SEZ6L: variants seen among roughly 807,000 people sequenced by gnomAD.
SEZ6L encodes the protein seizure related 6 homolog like.
In SEZ6L, 37 loss-of-function variants were observed where a neutral mutation model predicts 106.2. That is an observed-to-expected ratio of 0.35 (90% CI 0.27 to 0.46). The LOEUF (loss-of-function observed/expected upper bound fraction) is 0.46, where lower values mean the gene tolerates loss of function less well. SEZ6L is among the 20% of genes least tolerant of loss of function. The pLI, the probability that SEZ6L is intolerant of heterozygous loss-of-function variation, is 1.00. For synonymous variants in SEZ6L, 541 were observed against 570.4 expected (o/e 0.95, Z 0.73); for missense variants, 1,172 against 1,332.8 (o/e 0.88, Z 1.88).
At chr22:26,228,722 TA>T (rs1210843431) in intron 1 of SEZ6L, among the ~76,000 whole-genome samples, 2 of 152,102 alleles carry the variant, frequency 1.3e-5, no homozygotes, top group African/African-American at 4.8e-5. Context: ...ATGATCACAA[TA>T]ACACCATGGG....
At chr22:26,320,872 G>T (rs1347842689) in intron 9 of SEZ6L, among the ~76,000 whole-genome samples, 1 of 152,190 alleles carries the variant, frequency 6.6e-6, no homozygotes, top group Non-Finnish European at 1.5e-5. Context: ...AGCATCTAGT[G>T]GGGACAGGCC....
chr22:26,257,560 A>G (rs2079864214), intron 1 of SEZ6L, among the ~76,000 whole-genome samples: 1 of 152,230 alleles, frequency 6.6e-6, no homozygotes. Flanking sequence ...GGAGCTCCCA[A>G]TAATCAAAGG....
At chr22:26,278,821 G>A (rs1435843540) in intron 1 of SEZ6L, among the ~76,000 whole-genome samples, 3 of 141,044 alleles carry the variant, frequency 2.1e-5, no homozygotes, top group South Asian at 2.2e-4. Context: ...ATGAAGGAGA[G>A]AAAGAAACAG....
chr22:26,295,382 C>G (rs2081272268), intron 3 of SEZ6L, among the ~76,000 whole-genome samples: 2 of 152,112 alleles, frequency 1.3e-5, no homozygotes, highest in Non-Finnish European at 2.9e-5. Context: ...AAATAAAGAG[C>G]CATCAAAAGT....
intron 4 of SEZ6L, among the ~76,000 whole-genome samples, chr22:26,298,511 A>G (rs181689961): frequency 7.9e-5 from 12 of 152,250 alleles, no homozygotes; most frequent in African/African-American, 2.4e-4. Flanking sequence ...TTTTCTTTCT[A>G]AAGCCCAAGC....
intron 9 of SEZ6L, among the ~76,000 whole-genome samples, chr22:26,331,550 C>T (rs1045363720): frequency 6.6e-6 from 1 of 152,086 alleles, no homozygotes; most frequent in Non-Finnish European, 1.5e-5. Flanking sequence ...CAAAATTAAG[C>T]CACCCAGACT....
chr22:26,291,915 T>A (rs1483240625), intron 1 of SEZ6L, among the ~76,000 whole-genome samples: 1 of 152,078 alleles, frequency 6.6e-6, no homozygotes, highest in African/African-American at 2.4e-5. Flanking sequence ...CCTGTGCTTT[T>A]TGTTTCTATA....
At chr22:26,357,636 A>G (rs921897514) in intron 12 of SEZ6L, among the ~76,000 whole-genome samples, 19 of 152,214 alleles carry the variant, frequency 1.2e-4, no homozygotes, top group African/African-American at 4.6e-4. Context: ...AAAGAATTTT[A>G]AAATATATAT....
intron 3 of SEZ6L, 72 bp downstream of exon 3, chr22:26,294,497 G>A: frequency 6.6e-7 from 1 of 1,511,014 alleles, no homozygotes; most frequent in South Asian, 1.2e-5. Flanking sequence ...GTCTGAGTCA[G>A]GCTTACTGTT....
At chr22:26,333,802 T>G (rs1324250144) in intron 9 of SEZ6L, among the ~76,000 whole-genome samples, 1 of 152,092 alleles carries the variant, frequency 6.6e-6, no homozygotes, top group Admixed American at 6.5e-5. Flanking sequence ...GAGGGGATGC[T>G]GGGGGCTCTG....
At position 26,292,535 on chromosome 22, in the gene SEZ6L, A is replaced by T. The variant is rs1372250226; in HGVS notation, c.224A>T (p.Gln75Leu). The change falls in exon 2 of 17, where the codon CAG (glutamine) becomes CTG (leucine). Residue 75 changes from glutamine (Q) to leucine (L), a missense_variant. By Grantham distance (113) the Gln-to-Leu change is moderately radical (BLOSUM62 -2). Transcript: ENST00000248933. ...RVVTAPPSSS[Q>L]SAEVLGELVL... ...GTAACAGCGCCCCCCAGTTCCTCACAGTCGGCGGAAGTGCTGGGCGAGCTG... is the reference window on the plus strand; with the variant it reads ...GTAACAGCGCCCCCCAGTTCCTCACTGTCGGCGGAAGTGCTGGGCGAGCTG... 2 of 1,613,868 alleles carry T rather than the reference A, an allele frequency of 1.2e-6. No individual in the cohort carries two copies. The highest frequency in any genetic ancestry group is 3.3e-5 in the Admixed American group (2 of 60,006).
rs368342681 is a variant in SEZ6L, at chr22:26,292,887, G to A, written c.576G>A (p.Ala192=). 77 of 1,614,004 alleles carry A rather than the reference G, an allele frequency of 4.8e-5. No homozygotes were observed. The East Asian group carries it at 6.5e-4, about 14-fold the overall frequency. ...VPLWLDRKES[A]VPTTPAPLQI... ...TTTGGCTGGACCGAAAGGAGAGTGCGGTCCCTACAACACCCGCACCCCTGC... is the reference window on the plus strand; with the variant it reads ...TTTGGCTGGACCGAAAGGAGAGTGCAGTCCCTACAACACCCGCACCCCTGC... The change falls in exon 2 of 17, where the codon GCG becomes GCA. Residue 192 remains alanine, a synonymous_variant. Transcript: ENST00000248933.
At chr22:26,330,931 T>G (rs1312726263) in intron 9 of SEZ6L, among the ~76,000 whole-genome samples, 1 of 152,232 alleles carries the variant, frequency 6.6e-6, no homozygotes, top group African/African-American at 2.4e-5. Flanking sequence ...AAAATTGTCC[T>G]GTGAATGAGG....
Position 26,373,502 on chromosome 22 carries a change from A to G in SEZ6L, c.2827+19A>G. ...TTAGAAGGTGAGTTCCAGAACGAAA[A>G]AAAAAAAAGTTCAATAAATCAAACT... On this transcript the variant is annotated intron_variant, in intron 14 of 16. Transcript: ENST00000248933. 1 of 1,587,822 alleles carries G rather than the reference A, an allele frequency of 6.3e-7. No homozygotes were observed. Among genetic ancestry groups the G allele is most frequent in the Non-Finnish European group, 8.6e-7 (1 of 1,168,294 alleles).
rs1429003830 is a variant in SEZ6L at position 26,351,242 on chromosome 22, T to G, written c.2598T>G (p.Val866=). Residue 866 remains valine, a splice_region_variant and synonymous_variant, in exon 12 of 17, where the codon GTT becomes GTG. Coordinates refer to ENST00000248933, the MANE Select transcript of SEZ6L (RefSeq NM_021115.5). The part of the protein sequence containing the change: ...PIWTSRLPHC[V]SEESLACDNP... ...GGACGTCTCGCCTGCCCCACTGCGTTTGTGAGTCCTGTTTAATGAATTGGG... is the reference window on the plus strand; with the variant it reads ...GGACGTCTCGCCTGCCCCACTGCGTGTGTGAGTCCTGTTTAATGAATTGGG... 16 of 1,613,578 alleles carry G rather than the reference T, an allele frequency of 9.9e-6. No homozygotes were observed. The highest frequency in any genetic ancestry group is 1.2e-5 in the Non-Finnish European group (14 of 1,179,746).
At chr22:26,308,623 C>T (rs974266521) in intron 6 of SEZ6L, among the ~76,000 whole-genome samples, 1 of 151,932 alleles carries the variant, frequency 6.6e-6, no homozygotes, top group African/African-American at 2.4e-5. Flanking sequence ...CTTGAAAGGT[C>T]GTAATATGTA....
chr22:26,208,850 C>CTG (rs35483380), intron 1 of SEZ6L, among the ~76,000 whole-genome samples: 6,234 of 111,580 alleles, frequency 0.056, 214 homozygotes, highest in Non-Finnish European at 0.078. Context: ...GACTCTCTCT[C>CTG]TGTGTGTGTG....
intron 1 of SEZ6L, among the ~76,000 whole-genome samples, chr22:26,238,782 T>C (rs1031608991): frequency 6.6e-6 from 1 of 152,206 alleles, no homozygotes; most frequent in Non-Finnish European, 1.5e-5. Context: ...CTGAGGTTCA[T>C]GCAGTTAGGA....
intron 1 of SEZ6L, among the ~76,000 whole-genome samples, chr22:26,237,952 T>C (rs2079001101): frequency 6.6e-6 from 1 of 152,138 alleles, no homozygotes; most frequent in East Asian, 1.9e-4. Context: ...ATCTGGAAAC[T>C]GAAAAGGAGC....
Sources: allele counts gnomAD v4.1 joint callset (sites outside exome capture counted in the v4.1 genomes callset), GRCh38; gene constraint gnomAD v4.1.1; transcripts MANE v1.5; gene names NCBI Gene and HGNC (gene_info 2026-07-23, HGNC 2026-07-21).